Variants in RCBTB1 observed in about 807,000 individuals in gnomAD.
RCBTB1 encodes the protein RCC1 and BTB domain containing protein 1.
A neutral mutation model predicts 62.4 loss-of-function variants in RCBTB1; 46 were observed. The ratio of observed to expected loss-of-function variants is 0.74; its 90% CI spans 0.58 to 0.94. The LOEUF (loss-of-function observed/expected upper bound fraction) is 0.94, where lower values mean the gene tolerates loss of function less well. RCBTB1 is among the 40% of genes least tolerant of loss of function. The pLI is 0.00. For synonymous variants in RCBTB1, 222 were observed against 245.8 expected (o/e 0.90, Z 0.91); for missense variants, 565 against 654.9 (o/e 0.86, Z 1.50).
rs377092157 is a variant in RCBTB1, at chr13:49,540,827, C to A, written c.1455+49G>T. ...TCACGCAAGAAGCGGGGGAGACGAG[C>A]ACAAAGGGAGTTAAAGGTGGTCTGG... On this transcript the variant is annotated intron_variant, in intron 12 of 12. Coordinates refer to ENST00000378302, the MANE Select transcript of RCBTB1 (RefSeq NM_018191.4). 159 of 1,587,038 alleles carry A rather than the reference C, an allele frequency of 1.0e-4. No homozygotes were observed. In the African/African-American group the frequency reaches 1.7e-3, roughly 17 times the overall value.
intron 4 of RCBTB1, among the ~76,000 whole-genome samples, chr13:49,562,104 A>G (rs957288660): frequency 1.3e-5 from 2 of 151,758 alleles, no homozygotes; most frequent in African/African-American, 4.8e-5. Context: ...TCTCAAAGAA[A>G]AAAAAAAAAA....
Position 49,549,536 on chromosome 13 carries a change from G to C in RCBTB1, c.967C>G (p.Leu323Val). The C allele has an allele frequency of 2.5e-6, 4 of 1,614,100 alleles. No homozygotes were observed. Among genetic ancestry groups the C allele is most frequent in the Middle Eastern group, 1.6e-4 (1 of 6,062 alleles). ...CRGQSVILPH[L>V]THFSCTDDVF... is the part of the protein sequence containing the mutation. ...TCGTCGGTGCAGGAGAAGTGGGTGA[G>C]GTGCGGGAGGATCACGGACTGACCC... The change falls in exon 9 of 13, where the codon CTC becomes GTC. Residue 323 changes from leucine (L) to valine (V), a missense_variant. By Grantham distance (32) the Leu-to-Val change is conservative. Transcript: ENST00000378302.
chr13:49,564,308 C>T (rs1282314538), intron 4 of RCBTB1, among the ~76,000 whole-genome samples: 1 of 152,132 alleles, frequency 6.6e-6, no homozygotes, highest in South Asian at 2.1e-4. Context: ...ATGTACCGGC[C>T]GGGCACAGTG....
rs1964163849 is a variant in RCBTB1, at chr13:49,582,533, G to A, written c.-121-1949C>T. Among the ~76,000 whole-genome samples, 4 of 152,104 alleles carry A rather than the reference G, an allele frequency of 2.6e-5. No homozygotes were observed. The South Asian group carries it at 8.3e-4, about 32-fold the overall frequency. On this transcript the variant is annotated intron_variant, in intron 1 of 12. Coordinates refer to ENST00000378302, the MANE Select transcript of RCBTB1 (RefSeq NM_018191.4). The stretch of plus-strand genomic sequence containing the variant: ...TAAATGCAAGAGAAACTGTAGAAAG[G>A]AGCAAGTCTTCCTTTTCTTCCTTCC...
chr13:49,559,952 G>A lies in RCBTB1; in HGVS notation c.410C>T (p.Ser137Leu). The change falls in exon 5 of 13, where the codon TCA becomes TTA. Residue 137 changes from serine to leucine, a missense_variant. Physicochemically the swap from Ser to Leu is moderately radical, Grantham distance 145. Coordinates refer to ENST00000378302, the MANE Select transcript of RCBTB1 (RefSeq NM_018191.4). ...AGCTGCCAGAGCCATTGAATGATGT[G>A]AGCCACAAGCTACTTCCACCACTTG... is the stretch of plus-strand genomic sequence containing the variant. ...IKQVVEVACG[S>L]HHSMALAADG... 1.2e-6 allele frequency: 2 copies of A among 1,614,010 alleles called. No individual in the cohort carries two copies. The highest frequency in any genetic ancestry group is 1.7e-6 in the Non-Finnish European group (2 of 1,179,974).
intron 1 of RCBTB1, among the ~76,000 whole-genome samples, chr13:49,584,296 T>G (rs567687830): frequency 3.9e-5 from 6 of 152,300 alleles, no homozygotes; most frequent in Non-Finnish European, 7.3e-5. Context: ...ATGCTTCCTC[T>G]TCAAGAGAAA....
chr13:49,547,092 A>C (rs1960847621), intron 9 of RCBTB1: 2 of 1,282,302 alleles, frequency 1.6e-6, no homozygotes, highest in South Asian at 1.2e-5. Flanking sequence ...GAAGTGCTTC[A>C]GCTGGGTATG....
At chr13:49,573,448 C>CTTTTTT (rs66529613) in intron 2 of RCBTB1, among the ~76,000 whole-genome samples, 1 of 130,122 alleles carries the variant, frequency 7.7e-6, no homozygotes, top group Non-Finnish European at 1.6e-5. Context: ...AATTCCTCAT[C>CTTTTTT]TTTTTTTTTT....
intron 9 of RCBTB1, among the ~76,000 whole-genome samples, chr13:49,548,389 A>G (rs80305740): frequency 7.9e-6 from 1 of 126,952 alleles, no homozygotes; most frequent in African/African-American, 3.2e-5. Context: ...ACTCCGTCTC[A>G]AAAAAAAAAA....
intron 9 of RCBTB1, chr13:49,546,004 G>C (rs1960755489): frequency 1.3e-6 from 1 of 786,512 alleles, no homozygotes. Flanking sequence ...GAGCTCTCCT[G>C]GCTACAGAGG....
intron 9 of RCBTB1, among the ~76,000 whole-genome samples, chr13:49,546,650 C>T (rs1960807534): frequency 6.6e-6 from 1 of 152,216 alleles, no homozygotes; most frequent in Admixed American, 6.5e-5. Context: ...GACAGATCAT[C>T]TAGGCATTAG....
chr13:49,554,683 G>A (rs1252448059), intron 6 of RCBTB1, among the ~76,000 whole-genome samples: 1 of 152,116 alleles, frequency 6.6e-6, no homozygotes, highest in Non-Finnish European at 1.5e-5. Context: ...ATTGTGAACT[G>A]CACAACAAGG....
At chr13:49,581,724 GACAGAGTGTC>G (rs1322723437) in intron 1 of RCBTB1, among the ~76,000 whole-genome samples, 4 of 152,240 alleles carry the variant, frequency 2.6e-5, no homozygotes, top group African/African-American at 9.6e-5. Flanking sequence ...AAAACCAGGA[GACAGAGTGTC>G]ACAGAGATCT....
intron 1 of RCBTB1, among the ~76,000 whole-genome samples, chr13:49,583,553 C>T (rs1227464895): frequency 6.8e-6 from 1 of 147,488 alleles, no homozygotes; most frequent in Non-Finnish European, 1.5e-5. Context: ...ACAACATGTA[C>T]TTTTTTTTTT....
chr13:49,568,723 G>A (rs1368792105), intron 2 of RCBTB1, among the ~76,000 whole-genome samples: 1 of 152,086 alleles, frequency 6.6e-6, no homozygotes, highest in Non-Finnish European at 1.5e-5. Context: ...GAGGTCAAGA[G>A]ATCGAGACCA....
intron 6 of RCBTB1, among the ~76,000 whole-genome samples, chr13:49,554,553 CCT>C (rs1346661943): frequency 2.6e-5 from 4 of 152,246 alleles, no homozygotes; most frequent in East Asian, 1.9e-4. Context: ...CAGTCCGTGC[CCT>C]GTTAGGAACC....
intron 4 of RCBTB1, among the ~76,000 whole-genome samples, chr13:49,560,976 G>A (rs980255567): frequency 2.6e-5 from 4 of 152,114 alleles, no homozygotes; most frequent in South Asian, 4.1e-4. Context: ...TCACCAACCC[G>A]GAAGCTCCTC....
At chr13:49,578,609 A>C (rs1233468949) in intron 2 of RCBTB1, among the ~76,000 whole-genome samples, 2 of 152,238 alleles carry the variant, frequency 1.3e-5, no homozygotes, top group African/African-American at 4.8e-5. Flanking sequence ...ATGCAAGTAT[A>C]TGGTCCATGT....
At chr13:49,582,618 G>GA (rs1964169451) in intron 1 of RCBTB1, among the ~76,000 whole-genome samples, 1 of 152,242 alleles carries the variant, frequency 6.6e-6, no homozygotes, top group Non-Finnish European at 1.5e-5. Flanking sequence ...TAGGAATCCA[G>GA]ATGCTGGAGA....
Sources: gnomAD v4.1 joint callset for allele counts (sites outside exome capture counted in the v4.1 genomes callset) on GRCh38, gnomAD v4.1.1 for gene constraint, MANE v1.5 for transcripts, NCBI Gene and HGNC (gene_info 2026-07-23, HGNC 2026-07-21) for gene names.